INKA2: variants seen among roughly 807,000 people sequenced by gnomAD.
INKA2 encodes PAK4-inhibitor INKA2.
Under a neutral mutation model 9.8 loss-of-function variants are expected in INKA2, and 3 were observed. That is an observed-to-expected ratio of 0.31 (90% CI 0.14 to 0.79). INKA2 has a LOEUF of 0.79. Ranked by LOEUF, INKA2 falls within the 30% of genes least tolerant of loss-of-function variation. The pLI, the probability that INKA2 is intolerant of heterozygous loss-of-function variation, is 0.62. For missense variants in INKA2, 392 were observed against 384.4 expected (o/e 1.02, Z -0.17); for synonymous variants, 147 against 143.3 (o/e 1.03, Z -0.18).
At position 111,727,098 on chromosome 1, in the gene INKA2, T is replaced by C; in HGVS notation, c.764A>G (p.Lys255Arg). The change falls in exon 2 of 2, where the codon AAG (lysine) becomes AGG (arginine). Residue 255 changes from lysine to arginine, a missense_variant. Coordinates refer to ENST00000357260, the MANE Select transcript of INKA2 (RefSeq NM_019099.5). ...SQKVKKRSLS[K>R]GSGHFPFPGT... ...TGGGAAGGGGAAATGTCCAGAGCCC[T>C]TGGAAAGGCTCCGCTTCTTGACCTT... is the stretch of plus-strand genomic sequence containing the variant. The C allele has an allele frequency of 1.9e-6, 3 of 1,614,204 alleles. No individual in the cohort carries two copies. The highest frequency in any genetic ancestry group is 2.5e-6 in the Non-Finnish European group (3 of 1,180,036).
chr1:111,739,431 G>A, upstream of INKA2: 1 of 1,444,670 alleles, frequency 6.9e-7, no homozygotes, highest in Non-Finnish European at 9.1e-7. Flanking sequence ...GGTCGGTGCT[G>A]GGGGTGGAGG....
upstream of INKA2, among the ~76,000 whole-genome samples, chr1:111,744,039 G>C (rs80108380): frequency 4.6e-5 from 7 of 152,358 alleles, no homozygotes; most frequent in East Asian, 1.4e-3. Flanking sequence ...GTCTGTGTGG[G>C]AACACATTGG....
chr1:111,739,166 G>C lies in INKA2; in HGVS notation c.57+20C>G. 6.2e-7 allele frequency: 1 copy of C among 1,611,412 alleles called. No individual in the cohort carries two copies. Among genetic ancestry groups the C allele is most frequent in the Non-Finnish European group, 8.5e-7 (1 of 1,178,180 alleles). The stretch of plus-strand genomic sequence containing the variant: ...GGGGCGGAGCAGCCCTCCCTGCCCC[G>C]GCGCCAGCTTCGCTCTTACCAGCTC... On this transcript the variant is annotated intron_variant, in intron 1 of 1. Coordinates refer to ENST00000357260, the MANE Select transcript of INKA2 (RefSeq NM_019099.5).
At chr1:111,738,447 C>A (rs1465115626) in intron 1 of INKA2, among the ~76,000 whole-genome samples, 1 of 151,900 alleles carries the variant, frequency 6.6e-6, no homozygotes, top group Non-Finnish European at 1.5e-5. Flanking sequence ...GCGGGGCCTC[C>A]GAACGCTCCC....
intron 1 of INKA2, among the ~76,000 whole-genome samples, chr1:111,729,948 T>C (rs1662869628): frequency 6.6e-6 from 1 of 152,220 alleles, no homozygotes; most frequent in African/African-American, 2.4e-5. Flanking sequence ...GGCGTGGAGA[T>C]TGCCCACGCT....
intron 1 of INKA2, chr1:111,745,293 A>ATATATATATATATT (rs1358304932): frequency 1.4e-4 from 7 of 49,264 alleles, no homozygotes; most frequent in African/African-American, 2.9e-4. Context: ...ATATATATAT[A>ATATATATATATATT]TTTTTTTTTT....
intron 1 of INKA2, chr1:111,744,450 A>G (rs1663215065): frequency 6.6e-6 from 1 of 152,148 alleles, no homozygotes; most frequent in African/African-American, 2.4e-5. Context: ...CACAGCACTC[A>G]TTCAGCTATT....
chr1:111,750,816 C>T (rs1269509186), intron 1 of INKA2, among the ~76,000 whole-genome samples: 2 of 152,228 alleles, frequency 1.3e-5, no homozygotes, highest in Non-Finnish European at 2.9e-5. Flanking sequence ...AATAACACTA[C>T]CCCCCTTTGG....
intron 1 of INKA2, among the ~76,000 whole-genome samples, chr1:111,737,194 G>T (rs1229865711): frequency 6.6e-6 from 1 of 152,198 alleles, no homozygotes; most frequent in African/African-American, 2.4e-5. Flanking sequence ...GGGGCACTCC[G>T]TGACTTCAGC....
chr1:111,731,468 A>G (rs879454175), intron 1 of INKA2, among the ~76,000 whole-genome samples: 1 of 151,644 alleles, frequency 6.6e-6, no homozygotes, highest in Non-Finnish European at 1.5e-5. Flanking sequence ...CTCCCACCTC[A>G]GCCTCCCAAG....
upstream of INKA2, among the ~76,000 whole-genome samples, chr1:111,743,195 C>G (rs537959280): frequency 2.5e-4 from 38 of 152,294 alleles, no homozygotes; most frequent in African/African-American, 8.7e-4. Flanking sequence ...CACCCACCCC[C>G]CTCCGAAACT....
upstream of INKA2, among the ~76,000 whole-genome samples, chr1:111,740,778 G>A (rs553345280): frequency 5.9e-5 from 9 of 152,138 alleles, no homozygotes; most frequent in South Asian, 1.7e-3. Flanking sequence ...TTCGAGACCA[G>A]CCTGACCAAC....
intron 1 of INKA2, among the ~76,000 whole-genome samples, chr1:111,732,966 A>G (rs1332473386): frequency 6.6e-6 from 1 of 152,174 alleles, no homozygotes; most frequent in African/African-American, 2.4e-5. Flanking sequence ...CTCAGACGAC[A>G]ACTCCTGGTG....
At chr1:111,735,789 C>G (rs571989013) in intron 1 of INKA2, among the ~76,000 whole-genome samples, 1 of 152,292 alleles carries the variant, frequency 6.6e-6, no homozygotes, top group Admixed American at 6.5e-5. Context: ...TACCCATTTG[C>G]CAGAACCCCC....
chr1:111,724,626 A>T lies in INKA2; in HGVS notation c.*2342T>A. On this transcript the variant is annotated 3_prime_UTR_variant, in exon 2 of 2. Coordinates refer to ENST00000357260, the MANE Select transcript of INKA2 (RefSeq NM_019099.5). ...CACCACTACCACCACCACCACCACC[A>T]CCTCCACCATCTCCACCTCCAAAGG... is the stretch of plus-strand genomic sequence containing the variant. 6.8e-6 allele frequency: 1 copy of T among 148,080 alleles called. No homozygotes were observed. The highest frequency in any genetic ancestry group is 1.5e-5 in the Non-Finnish European group (1 of 67,362). 9.2% of individuals were successfully genotyped at this position (148,080 alleles called of 1,614,324 possible).
At chr1:111,739,135 C>A in intron 1 of INKA2, 51 bp downstream of exon 1, 1 of 1,567,344 alleles carries the variant, frequency 6.4e-7, no homozygotes. Flanking sequence ...AGACCAGGTG[C>A]CCGTCGGGGC....
Position 111,727,063 on chromosome 1 carries a change from C to A in INKA2, c.799G>T (p.Glu267Ter). 6.2e-7 allele frequency: 1 copy of A among 1,614,096 alleles called. No individual in the cohort carries two copies. Among genetic ancestry groups the A allele is most frequent in the Non-Finnish European group, 8.5e-7 (1 of 1,180,038 alleles). Residue 267 changes from glutamate (E) to a stop codon, truncating the protein, a stop_gained, in exon 2 of 2, where the codon GAG (glutamate) becomes TAG (stop). Transcript: ENST00000357260. LOFTEE classifies it high-confidence loss of function. The part of the protein sequence containing the change: ...SGHFPFPGTG[E>*]HRRGENPPTS... Reference sequence around the variant, plus strand: ...GGGGGATTCTCCCCTCGCCTGTGCTCCCCGGTGCCTGGGAAGGGGAAATGT... The same window carrying A: ...GGGGGATTCTCCCCTCGCCTGTGCTACCCGGTGCCTGGGAAGGGGAAATGT...
chr1:111,722,317 C>G lies in INKA2; in HGVS notation c.*4651G>C, dbSNP rs1277407423. ...GGAGGACAGCCACAGCACCTTTAGG[C>G]CATTAGTTTCCAGGGTGGCCGGAGG... On this transcript the variant is annotated 3_prime_UTR_variant, in exon 2 of 2. Transcript: ENST00000357260. 6.6e-6 allele frequency: 1 copy of G among 152,542 alleles called. No individual in the cohort carries two copies. Among genetic ancestry groups the G allele is most frequent in the African/African-American group, 2.4e-5 (1 of 41,416 alleles). 9.4% of individuals were successfully genotyped at this position (152,542 alleles called of 1,614,324 possible).
At position 111,726,297 on chromosome 1, in the gene INKA2, C is replaced by T. The variant is rs137982667; in HGVS notation, c.*671G>A. Reference sequence around the variant, plus strand: ...CCTTCCCCTGTGCATGGGGGAGACGCGGGGAGTGTCTAGGGCTTCCCTGGC... The same window carrying T: ...CCTTCCCCTGTGCATGGGGGAGACGTGGGGAGTGTCTAGGGCTTCCCTGGC... On this transcript the variant is annotated 3_prime_UTR_variant, in exon 2 of 2. Coordinates refer to ENST00000357260, the MANE Select transcript of INKA2 (RefSeq NM_019099.5). 2.5e-4 allele frequency: 94 copies of T among 377,566 alleles called. No homozygotes were observed. The East Asian group carries it at 3.1e-3, about 12-fold the overall frequency. The allele number at this position is 377,566 out of a possible 1,614,324, so 23.4% of individuals were successfully genotyped here.
Sources: gnomAD v4.1 joint callset for allele counts (sites outside exome capture counted in the v4.1 genomes callset) on GRCh38, gnomAD v4.1.1 for gene constraint, MANE v1.5 for transcripts, NCBI Gene and HGNC (gene_info 2026-07-23, HGNC 2026-07-21) for gene names.